The following KLRF1 variants were observed in gnomAD, a reference collection of about 807,000 sequenced individuals.
The protein encoded by KLRF1 is killer cell lectin like receptor F1.
A neutral mutation model predicts 30.7 loss-of-function variants in KLRF1; 27 were observed. That is an observed-to-expected ratio of 0.88 (90% confidence interval 0.65 to 1.21). KLRF1 has a LOEUF of 1.21. Ranked by LOEUF, KLRF1 falls within the 50% of genes most tolerant of loss-of-function variation. The pLI, the probability that KLRF1 is intolerant of heterozygous loss-of-function variation, is 0.00. For synonymous variants in KLRF1, 92 were observed against 89.3 expected (o/e 1.03, Z -0.17); for missense variants, 246 against 259.3 (o/e 0.95, Z 0.35).
chr12:9,802,387 A>G, the KLRF1 span, among the ~76,000 whole-genome samples: 1 of 152,094 alleles, frequency 6.6e-6, no homozygotes, highest in African/African-American at 2.4e-5. Flanking sequence ...ATCATACTGA[A>G]TGGGCAAAAG....
chr12:9,803,535 C>G, the KLRF1 span, among the ~76,000 whole-genome samples: 1 of 151,814 alleles, frequency 6.6e-6, no homozygotes, highest in African/African-American at 2.4e-5. Context: ...AAGTTTTATT[C>G]TATGAGTTTT....
intron 3 of KLRF1, among the ~76,000 whole-genome samples, chr12:9,834,751 T>C (rs887853043): frequency 2.0e-5 from 3 of 152,122 alleles, no homozygotes; most frequent in African/African-American, 7.2e-5. Context: ...ATTACTTGCT[T>C]GGTTGGCAAG....
At chr12:9,822,432 A>C in the KLRF1 span, among the ~76,000 whole-genome samples, 1 of 152,320 alleles carries the variant, frequency 6.6e-6, no homozygotes, top group African/African-American at 2.4e-5. Context: ...AGCCCTCTAA[A>C]ATAAGACAGT....
the KLRF1 span, among the ~76,000 whole-genome samples, chr12:9,813,136 T>C: frequency 6.6e-6 from 1 of 151,904 alleles, no homozygotes; most frequent in Admixed American, 6.6e-5. Flanking sequence ...TTTATTTTTT[T>C]ATTTTTTTAA....
the KLRF1 span, among the ~76,000 whole-genome samples, chr12:9,819,886 A>C: frequency 6.6e-6 from 1 of 152,334 alleles, no homozygotes; most frequent in South Asian, 2.1e-4. Flanking sequence ...GGTGTTTTCC[A>C]GTTGACAACA....
chr12:9,803,716 C>T, the KLRF1 span, among the ~76,000 whole-genome samples: 1 of 151,952 alleles, frequency 6.6e-6, no homozygotes, highest in Non-Finnish European at 1.5e-5. Flanking sequence ...CTCCTTTGTA[C>T]TCTCTTGCTG....
At chr12:9,822,965 A>G (rs1867243891), upstream of KLRF1, among the ~76,000 whole-genome samples, 1 of 152,192 alleles carries the variant, frequency 6.6e-6, no homozygotes, top group Non-Finnish European at 1.5e-5. Flanking sequence ...CCAAATTCAT[A>G]AAGCAAGTTC....
chr12:9,842,369 C>T lies in KLRF1; in HGVS notation c.523C>T (p.Leu175Phe), dbSNP rs761009713. The change falls in exon 5 of 6, where the codon CTT becomes TTT. Residue 175 changes from leucine (L) to phenylalanine (F), a missense_variant. Physicochemically the swap from Leu to Phe is conservative, Grantham distance 22 (BLOSUM62 0). Coordinates refer to ENST00000617889, the MANE Select transcript of KLRF1 (RefSeq NM_016523.3). Reference protein sequence around the residue: ...LRQLNYVWIGLNFTSLKMTWT... With the variant: ...LRQLNYVWIGFNFTSLKMTWT... The stretch of plus-strand genomic sequence containing the variant: ...ACAATTAAACTACGTATGGATTGGG[C>T]TTAACTTTACCTCCTTGAAAATGAC... The T allele has an allele frequency of 7.4e-6, 12 of 1,612,084 alleles. No homozygotes were observed. The highest frequency in any genetic ancestry group is 9.3e-6 in the Non-Finnish European group (11 of 1,178,696).
At chr12:9,834,224 G>A (rs182933302) in intron 3 of KLRF1, among the ~76,000 whole-genome samples, 1 of 152,050 alleles carries the variant, frequency 6.6e-6, no homozygotes, top group Admixed American at 6.6e-5. Context: ...GTTAAGACAG[G>A]AACAAGCCAT....
At chr12:9,813,202 C>T in the KLRF1 span, among the ~76,000 whole-genome samples, 1 of 151,982 alleles carries the variant, frequency 6.6e-6, no homozygotes, top group Admixed American at 6.5e-5. Flanking sequence ...GCACAATGTG[C>T]AGGTTAGTTA....
chr12:9,822,472 A>C, the KLRF1 span, among the ~76,000 whole-genome samples: 2 of 152,198 alleles, frequency 1.3e-5, no homozygotes, highest in African/African-American at 4.8e-5. Flanking sequence ...AAGAATGAAA[A>C]GGAAGGAACA....
At chr12:9,832,291 C>A in intron 1 of KLRF1, 25 bp from the exon 2 acceptor site, 1 of 1,275,844 alleles carries the variant, frequency 7.8e-7, no homozygotes, top group Non-Finnish European at 1.1e-6. Context: ...CTTTTCTAAA[C>A]TAATTCATGT....
Position 9,842,409 on chromosome 12 carries a change from A to T in KLRF1, c.563A>T (p.Asp188Val). The T allele has an allele frequency of 4.3e-6, 7 of 1,612,326 alleles. No homozygotes were observed. Among genetic ancestry groups the T allele is most frequent in the Non-Finnish European group, 5.9e-6 (7 of 1,178,902 alleles). Residue 188 changes from aspartate (D) to valine (V), a missense_variant, in exon 5 of 6, where the codon GAT (aspartate) becomes GTT (valine). Transcript: ENST00000617889. Reference sequence around the variant, plus strand: ...TTGAAAATGACATGGACTTGGGTGGATGGTTCTCCAATAGATTCAAAGATG... The same window carrying T: ...TTGAAAATGACATGGACTTGGGTGGTTGGTTCTCCAATAGATTCAAAGATG... ...TSLKMTWTWV[D>V]GSPIDSKIFF...
chr12:9,821,593 G>C, the KLRF1 span, among the ~76,000 whole-genome samples: 30 of 152,102 alleles, frequency 2.0e-4, no homozygotes, highest in African/African-American at 7.0e-4. Context: ...GCCCCTAGGA[G>C]GTAAATAAAA....
chr12:9,801,469 G>T, the KLRF1 span, among the ~76,000 whole-genome samples: 1 of 151,978 alleles, frequency 6.6e-6, no homozygotes, highest in Non-Finnish European at 1.5e-5. Context: ...CACCAAGAGT[G>T]TAAAAGCATT....
chr12:9,836,571 A>G (rs1867582508), intron 3 of KLRF1, among the ~76,000 whole-genome samples: 1 of 152,104 alleles, frequency 6.6e-6, no homozygotes, highest in Admixed American at 6.6e-5. Flanking sequence ...GTTTTATTGT[A>G]TGAGATGATA....
chr12:9,834,810 A>G (rs1867533985), intron 3 of KLRF1, among the ~76,000 whole-genome samples: 1 of 152,130 alleles, frequency 6.6e-6, no homozygotes, highest in African/African-American at 2.4e-5. Flanking sequence ...ACACCAGGCC[A>G]GATTGATTTA....
chr12:9,826,533 C>A (rs1188243063), upstream of KLRF1, among the ~76,000 whole-genome samples: 1 of 151,976 alleles, frequency 6.6e-6, no homozygotes, highest in Admixed American at 6.6e-5. Flanking sequence ...GGTATATACC[C>A]AAAGGAATAT....
At chr12:9,814,457 C>T in the KLRF1 span, among the ~76,000 whole-genome samples, 1 of 152,336 alleles carries the variant, frequency 6.6e-6, no homozygotes, top group African/African-American at 2.4e-5. Context: ...AGGGTAGGAC[C>T]ACACCACCAA....
Sources: allele counts gnomAD v4.1 joint callset (sites outside exome capture counted in the v4.1 genomes callset), GRCh38; gene constraint gnomAD v4.1.1; transcripts MANE v1.5; gene names NCBI Gene and HGNC (gene_info 2026-07-23, HGNC 2026-07-21).